The following SYTL3 variants were observed in gnomAD, a reference collection of about 807,000 sequenced individuals.
SYTL3 encodes synaptotagmin like 3, also known as synaptotagmin-like protein 3.
In SYTL3, 88 loss-of-function variants were observed where a neutral mutation model predicts 82.1. That is an observed-to-expected ratio of 1.07 (90% CI 0.90 to 1.28). SYTL3 has a LOEUF of 1.28. Among genes scored for constraint, SYTL3 ranks in the 50% most tolerant of loss-of-function variants. The pLI is 0.00. For synonymous variants in SYTL3, 311 were observed against 289.4 expected, an observed-to-expected ratio of 1.07 and a Z score of -0.76; for missense variants, 831 against 757.6, an observed-to-expected ratio of 1.10 and a Z score of -1.14.
Position 158,663,383 on chromosome 6 carries a change from G to A in SYTL3, c.110+5G>A, listed in dbSNP as rs1200313837. 3 of 1,613,044 alleles carry A rather than the reference G, an allele frequency of 1.9e-6. No individual in the cohort carries two copies. The highest frequency in any genetic ancestry group is 2.7e-5 in the African/African-American group (2 of 74,872). On this transcript the variant is annotated splice_donor_5th_base_variant and intron_variant, in intron 4 of 17. Coordinates refer to ENST00000611299, the MANE Select transcript of SYTL3 (RefSeq NM_001242394.2). ...CACAGAGGAGGAGAGGACACGGTAG[G>A]CTGCCCTTCCCGGGGGGTCACTTTG...
At chr6:158,732,360 A>C (rs1785514454) in intron 11 of SYTL3, among the ~76,000 whole-genome samples, 1 of 152,062 alleles carries the variant, frequency 6.6e-6, no homozygotes, top group African/African-American at 2.4e-5. Context: ...AATGAAGACA[A>C]GGTATCAAAA....
intron 1 of SYTL3, among the ~76,000 whole-genome samples, chr6:158,651,342 C>T (rs144388194): frequency 1.6e-3 from 246 of 152,286 alleles, no homozygotes; most frequent in African/African-American, 5.6e-3. Context: ...CCTGTCATCT[C>T]AGCACTTTGG....
intron 11 of SYTL3, among the ~76,000 whole-genome samples, chr6:158,728,758 G>A (rs1263253278): frequency 1.3e-5 from 2 of 151,484 alleles, no homozygotes; most frequent in African/African-American, 2.4e-5. Flanking sequence ...GGCTAACAAG[G>A]TGAAACCCCT....
intron 14 of SYTL3, among the ~76,000 whole-genome samples, chr6:158,759,040 T>A (rs1789543715): frequency 6.6e-6 from 1 of 152,122 alleles, no homozygotes; most frequent in African/African-American, 2.4e-5. Flanking sequence ...CAGCCTGAAC[T>A]CCTTCTGTCC....
intron 11 of SYTL3, among the ~76,000 whole-genome samples, chr6:158,743,598 CTTTTTTTTTTTTTTTT>C (rs397887964): frequency 1.6e-5 from 1 of 63,094 alleles, no homozygotes; most frequent in Admixed American, 1.8e-4. Flanking sequence ...CCAGTCCAAG[CTTTTTTTTTTTTTTTT>C]TTTTTTTTTT....
intron 8 of SYTL3, 116 bp from the exon 9 acceptor site, chr6:158,713,684 C>T (rs1583335307): frequency 4.0e-6 from 3 of 746,238 alleles, no homozygotes; most frequent in Non-Finnish European, 7.0e-6. Flanking sequence ...ACCACGCCCA[C>T]ACTCACTCGC....
chr6:158,758,387 G>A (rs1306190136), intron 14 of SYTL3, among the ~76,000 whole-genome samples: 1 of 150,868 alleles, frequency 6.6e-6, no homozygotes, highest in Non-Finnish European at 1.5e-5. Flanking sequence ...GCAATGAGTC[G>A]AGATTGCACC....
intron 5 of SYTL3, among the ~76,000 whole-genome samples, chr6:158,667,578 A>G (rs62431570): frequency 6.6e-6 from 1 of 152,218 alleles, no homozygotes. Context: ...TTTGACATTC[A>G]TAACTGTCGC....
chr6:158,645,325 A>C (rs192353017), upstream of SYTL3, among the ~76,000 whole-genome samples: 94 of 152,264 alleles, frequency 6.2e-4, no homozygotes, highest in African/African-American at 2.2e-3. Context: ...TGACTACCTT[A>C]ACCATAGTGA....
chr6:158,713,361 G>A (rs1469914771), intron 8 of SYTL3, among the ~76,000 whole-genome samples: 1 of 152,016 alleles, frequency 6.6e-6, no homozygotes, highest in Non-Finnish European at 1.5e-5. Flanking sequence ...GTCACCTTGT[G>A]GCTTTTACCA....
chr6:158,645,558 A>C (rs1272936342), upstream of SYTL3, among the ~76,000 whole-genome samples: 2 of 152,206 alleles, frequency 1.3e-5, no homozygotes, highest in Non-Finnish European at 2.9e-5. Context: ...AGCTGACTGC[A>C]AGGGTCCCAG....
chr6:158,666,149 T>C (rs569631544), intron 5 of SYTL3, among the ~76,000 whole-genome samples: 37 of 152,308 alleles, frequency 2.4e-4, no homozygotes, highest in Admixed American at 6.5e-4. Context: ...TCAGATTCAT[T>C]TGGGTCTCTT....
At chr6:158,759,921 T>G (rs1789681711) in intron 14 of SYTL3, among the ~76,000 whole-genome samples, 1 of 151,990 alleles carries the variant, frequency 6.6e-6, no homozygotes, top group Non-Finnish European at 1.5e-5. Flanking sequence ...GCTCATCAGC[T>G]GTTGTTAGTG....
At chr6:158,753,526 C>T (rs1230102231) in intron 13 of SYTL3, among the ~76,000 whole-genome samples, 6 of 151,522 alleles carry the variant, frequency 4.0e-5, no homozygotes, top group African/African-American at 1.5e-4. Flanking sequence ...GTCAGGAGAT[C>T]GAGACCATCC....
chr6:158,763,310 C>T lies in SYTL3; in HGVS notation c.1524C>T (p.Leu508=). ...GTLNSFVKGC[L]TLPDQQKLRL... is the part of the protein sequence containing the mutation. ...GTTTGTGTTCCCTCTTCAGCTGTCT[C>T]ACTCTGCCAGACCAACAAAAACTGA... The change falls in exon 17 of 18, where the codon CTC becomes CTT. Residue 508 remains leucine, a synonymous_variant. Coordinates refer to ENST00000611299, the MANE Select transcript of SYTL3 (RefSeq NM_001242394.2). 1 of 1,614,160 alleles carries T rather than the reference C, an allele frequency of 6.2e-7. No individual in the cohort carries two copies. Among genetic ancestry groups the T allele is most frequent in the South Asian group, 1.1e-5 (1 of 91,074 alleles).
chr6:158,676,060 A>G (rs982921543), intron 5 of SYTL3, among the ~76,000 whole-genome samples: 1 of 152,218 alleles, frequency 6.6e-6, no homozygotes. Context: ...ACTACTTTCA[A>G]GTTCATATGG....
chr6:158,677,048 A>G (rs987767379), intron 5 of SYTL3, among the ~76,000 whole-genome samples: 8 of 152,214 alleles, frequency 5.3e-5, no homozygotes, highest in Admixed American at 2.0e-4. Context: ...CAGCAATCCC[A>G]TTACTGGATA....
intron 5 of SYTL3, among the ~76,000 whole-genome samples, chr6:158,675,292 A>T (rs1168208443): frequency 1.3e-5 from 2 of 152,140 alleles, no homozygotes. Context: ...CTCTGAGGTT[A>T]AGCAAGGGAG....
chr6:158,677,379 G>A (rs1158080784), intron 5 of SYTL3, among the ~76,000 whole-genome samples: 1 of 152,190 alleles, frequency 6.6e-6, no homozygotes, highest in Non-Finnish European at 1.5e-5. Context: ...GACACAGGAA[G>A]GGGAACATCA....
Sources: gnomAD v4.1 joint callset for allele counts (sites outside exome capture counted in the v4.1 genomes callset) on GRCh38, gnomAD v4.1.1 for gene constraint, MANE v1.5 for transcripts, NCBI Gene and HGNC (gene_info 2026-07-23, HGNC 2026-07-21) for gene names.